LTC4S: variants seen among roughly 807,000 people sequenced by gnomAD.
LTC4S encodes leukotriene C4 synthase, also known as LTC4 synthase.
In LTC4S, 18 loss-of-function variants were observed where a neutral mutation model predicts 19.6. The ratio of observed to expected loss-of-function variants is 0.92; its 90% CI spans 0.64 to 1.36. The LOEUF (loss-of-function observed/expected upper bound fraction) is 1.36, where lower values mean the gene tolerates loss of function less well. Ranked by LOEUF, LTC4S falls within the 40% of genes most tolerant of loss-of-function variation. The pLI is 0.00. For missense variants in LTC4S, 235 were observed against 212.2 expected (o/e 1.11, Z -0.67); for synonymous variants, 126 against 110.1 (o/e 1.14, Z -0.91).
rs758359505 is a variant in LTC4S at position 179,795,828 on chromosome 5, C to G, written c.201C>G (p.Leu67=). 6 of 1,606,980 alleles carry G rather than the reference C, an allele frequency of 3.7e-6. No individual in the cohort carries two copies. In the Admixed American group the frequency reaches 5.0e-5, roughly 13 times the overall value. Residue 67 remains leucine, a synonymous_variant, in exon 3 of 5, where the codon CTC becomes CTG. Transcript: ENST00000292596. Reference sequence around the variant, plus strand: ...ACTTCCCGCTGTTCCTCGCCACGCTCTGGGTCGCCGGCATCTTCTTTCATG... The same window carrying G: ...ACTTCCCGCTGTTCCTCGCCACGCTGTGGGTCGCCGGCATCTTCTTTCATG... ...SEYFPLFLAT[L]WVAGIFFHEG...
intron 1 of LTC4S, chr5:179,795,249 G>A: frequency 1.7e-6 from 1 of 587,798 alleles, no homozygotes; most frequent in South Asian, 3.2e-5. Flanking sequence ...TTTTGAGAGT[G>A]AAATGATTCA....
chr5:179,796,107 GC>G, intron 4 of LTC4S, 85 bp downstream of exon 4: 1 of 1,319,548 alleles, frequency 7.6e-7, no homozygotes, highest in South Asian at 1.6e-5. Flanking sequence ...GAAGCTGGGG[GC>G]GGGCGACGGG....
Position 179,794,110 on chromosome 5 carries a change from T to C in LTC4S, c.30T>C (p.Ala10=), listed in dbSNP as rs750506337. 2.5e-6 allele frequency: 4 copies of C among 1,613,614 alleles called. No homozygotes were observed. Among genetic ancestry groups the C allele is most frequent in the Non-Finnish European group, 3.4e-6 (4 of 1,179,976 alleles). The part of the protein sequence containing the change: MKDEVALLA[A]VTLLGVLLQA... ...AGGACGAGGTAGCTCTACTGGCTGC[T>C]GTCACCCTCCTGGGAGTCCTGCTGC... Residue 10 remains alanine (A), a synonymous_variant, in exon 1 of 5, where the codon GCT becomes GCC. Coordinates refer to ENST00000292596, the MANE Select transcript of LTC4S (RefSeq NM_145867.2).
chr5:179,795,343 T>G, intron 1 of LTC4S: 1 of 1,398,748 alleles, frequency 7.1e-7, no homozygotes, highest in Non-Finnish European at 9.3e-7. Context: ...ACTCACAGGT[T>G]GGGACAGGGC....
Position 179,796,304 on chromosome 5 carries a change from G to A in LTC4S, c.363G>A (p.Leu121=), listed in dbSNP as rs1756622752. 1 of 1,475,462 alleles carries A rather than the reference G, an allele frequency of 6.8e-7. No homozygotes were observed. The highest frequency in any genetic ancestry group is 8.9e-7 in the Non-Finnish European group (1 of 1,120,240). The allele number at this position is 1,475,462 out of a possible 1,614,324, so 91.4% of individuals were successfully genotyped here. ...SARALWLLVA[L]AALGLLAHFL... is the part of the protein sequence containing the mutation. ...GCGCCCTCTGGCTGCTGGTGGCGCT[G>A]GCTGCGCTCGGCCTGCTCGCCCACT... Residue 121 remains leucine, a synonymous_variant, in exon 5 of 5, where the codon CTG becomes CTA. Transcript: ENST00000292596.
chr5:179,795,772 C>A lies in LTC4S; in HGVS notation c.159-14C>A, dbSNP rs780704843. ...CATCCCGGCCGGCGCGCTCATCCCA[C>A]CCGCCCACCGCAGGGTGAACTGCAG... is the stretch of plus-strand genomic sequence containing the variant. On this transcript the variant is annotated splice_polypyrimidine_tract_variant and intron_variant, in intron 2 of 4. Coordinates refer to ENST00000292596, the MANE Select transcript of LTC4S (RefSeq NM_145867.2). 1.3e-6 allele frequency: 2 copies of A among 1,586,002 alleles called. No homozygotes were observed. Among genetic ancestry groups the A allele is most frequent in the East Asian group, 2.3e-5 (1 of 44,138 alleles).
intron 4 of LTC4S, 59 bp from the exon 5 acceptor site, chr5:179,796,194 T>A: frequency 7.4e-7 from 1 of 1,348,952 alleles, no homozygotes. Context: ...GGGGCCAGGG[T>A]TGCGGCGGGG....
Position 179,795,654 on chromosome 5 carries a change from AC to A in LTC4S, c.132del (p.Glu45SerfsTer10). The part of the protein sequence containing the change: ...RVSPPLTTGP[P>X]EFERVYRAQV... ...TGTCGCCGCCGCTCACCACCGGCCC[AC>A]CCGAGTTCGAGCGCGTCTACCGAGC... On this transcript the variant is annotated frameshift_variant, in exon 2 of 5. Coordinates refer to ENST00000292596, the MANE Select transcript of LTC4S (RefSeq NM_145867.2). LOFTEE classifies it high-confidence loss of function. 2 of 1,608,088 alleles carry A rather than the reference AC, an allele frequency of 1.2e-6. No individual in the cohort carries two copies. Among genetic ancestry groups the A allele is most frequent in the South Asian group, 2.2e-5 (2 of 90,492 alleles).
rs770783952 is a variant in LTC4S at position 179,796,212 on chromosome 5, G to A, written c.312-41G>A. Reference sequence around the variant, plus strand: ...GCCAGGGTTGCGGCGGGGAAGAAGCGGGCCTCCTCGCGCCACCTCCCCGCT... The same window carrying A: ...GCCAGGGTTGCGGCGGGGAAGAAGCAGGCCTCCTCGCGCCACCTCCCCGCT... On this transcript the variant is annotated intron_variant, in intron 4 of 4. Transcript: ENST00000292596. 8.0e-4 allele frequency: 1,110 copies of A among 1,386,806 alleles called. 1 individual carries two copies. Among genetic ancestry groups the A allele is most frequent in the Non-Finnish European group, 9.9e-4 (1,045 of 1,055,242 alleles). 85.9% of individuals were successfully genotyped at this position (1,386,806 alleles called of 1,614,324 possible). A position where few individuals can be genotyped will look rare whatever the true frequency, so the allele number is the denominator to read the frequency against.
Position 179,795,772 on chromosome 5 carries a change from C to G in LTC4S, c.159-14C>G. On this transcript the variant is annotated splice_polypyrimidine_tract_variant and intron_variant, in intron 2 of 4. Coordinates refer to ENST00000292596, the MANE Select transcript of LTC4S (RefSeq NM_145867.2). ...CATCCCGGCCGGCGCGCTCATCCCA[C>G]CCGCCCACCGCAGGGTGAACTGCAG... 1.9e-6 allele frequency: 3 copies of G among 1,586,022 alleles called. No individual in the cohort carries two copies. The highest frequency in any genetic ancestry group is 2.6e-6 in the Non-Finnish European group (3 of 1,166,624).
At chr5:179,794,257 AG>A in intron 1 of LTC4S, 119 bp downstream of exon 1, 1 of 1,326,196 alleles carries the variant, frequency 7.5e-7, no homozygotes, top group South Asian at 1.2e-5. Flanking sequence ...AAGCTGGAAG[AG>A]GGTGGGGACT....
rs369800948 is a variant in LTC4S, at chr5:179,795,832, G to C, written c.205G>C (p.Val69Leu). The C allele has an allele frequency of 1.4e-5, 23 of 1,606,926 alleles. No individual in the cohort carries two copies. The highest frequency in any genetic ancestry group is 2.0e-5 in the Non-Finnish European group (23 of 1,178,454). Residue 69 changes from valine to leucine, a missense_variant, in exon 3 of 5, where the codon GTC becomes CTC. Transcript: ENST00000292596. ...YFPLFLATLW[V>L]AGIFFHEGAA... ...CCCGCTGTTCCTCGCCACGCTCTGGGTCGCCGGCATCTTCTTTCATGAAGG... is the reference window on the plus strand; with the variant it reads ...CCCGCTGTTCCTCGCCACGCTCTGGCTCGCCGGCATCTTCTTTCATGAAGG...
chr5:179,796,020 C>T lies in LTC4S; in HGVS notation c.309C>T (p.Leu103=). 6.6e-7 allele frequency: 1 copy of T among 1,520,690 alleles called. No individual in the cohort carries two copies. The highest frequency in any genetic ancestry group is 1.2e-5 in the South Asian group (1 of 82,634). The allele number at this position is 1,520,690 out of a possible 1,614,324, so 94.2% of individuals were successfully genotyped here. A position where few individuals can be genotyped will look rare whatever the true frequency, so the allele number is the denominator to read the frequency against. ...AGGGCTACGCGCGCTCCGCGCAGCT[C>T]AGGTGAGGGCCGGGCGGGGAGCGGG... ...YFQGYARSAQ[L]RLAPLYASAR... is the part of the protein sequence containing the mutation. The change falls in exon 4 of 5, where the codon CTC becomes CTT. Residue 103 remains leucine, a splice_region_variant and synonymous_variant. Coordinates refer to ENST00000292596, the MANE Select transcript of LTC4S (RefSeq NM_145867.2).
intron 1 of LTC4S, 124 bp downstream of exon 1, chr5:179,794,262 G>A: frequency 7.7e-7 from 1 of 1,304,646 alleles, no homozygotes; most frequent in East Asian, 2.5e-5. Flanking sequence ...GGAAGAGGGT[G>A]GGGACTTTCA....
rs1581965789 is a variant in LTC4S, at chr5:179,796,398, C to T, written c.*4C>T. ...GACGCTGCTGCCGTGGGCCTGAGAC[C>T]AAGGCCCCCGGGCCGACGGAGCCGG... On this transcript the variant is annotated 3_prime_UTR_variant, in exon 5 of 5. Transcript: ENST00000292596. 1 of 1,490,152 alleles carries T rather than the reference C, an allele frequency of 6.7e-7. No homozygotes were observed. Among genetic ancestry groups the T allele is most frequent in the East Asian group, 2.8e-5 (1 of 36,118 alleles). The allele number at this position is 1,490,152 out of a possible 1,614,324, so 92.3% of individuals were successfully genotyped here.
intron 4 of LTC4S, 74 bp from the exon 5 acceptor site, chr5:179,796,179 C>A: frequency 1.5e-6 from 2 of 1,301,486 alleles, no homozygotes; most frequent in Non-Finnish European, 2.0e-6. Context: ...AGAGGAAGTC[C>A]CCGTGGGGCC....
intron 3 of LTC4S, 42 bp from the exon 4 acceptor site, chr5:179,795,899 C>T: frequency 4.4e-6 from 7 of 1,592,458 alleles, no homozygotes; most frequent in Non-Finnish European, 5.1e-6. Context: ...ACCCCCGGGA[C>T]CCGCGCAGGG....
At chr5:179,795,878 G>A in intron 3 of LTC4S, 22 bp downstream of exon 3, 2 of 1,601,090 alleles carry the variant, frequency 1.2e-6, no homozygotes, top group South Asian at 1.1e-5. Context: ...GGGCAGGGGC[G>A]CACGCGCTGG....
Position 179,794,149 on chromosome 5 carries a change from T to A in LTC4S, c.58+11T>A, listed in dbSNP as rs1756541226. 4 of 1,613,238 alleles carry A rather than the reference T, an allele frequency of 2.5e-6. No individual in the cohort carries two copies. In the African/African-American group the frequency reaches 4.0e-5, roughly 16 times the overall value. On this transcript the variant is annotated intron_variant, in intron 1 of 4. Coordinates refer to ENST00000292596, the MANE Select transcript of LTC4S (RefSeq NM_145867.2). ...GAGTCCTGCTGCAAGGTGGGCTGGT[T>A]CCTATCTAGGAAGAGGGTGGGCCTT...
Sources: allele counts gnomAD v4.1 joint callset, GRCh38; gene constraint gnomAD v4.1.1; transcripts MANE v1.5; gene names NCBI Gene and HGNC (gene_info 2026-07-23, HGNC 2026-07-21).